Variants in SGIP1 observed in about 807,000 individuals in gnomAD.
SGIP1 encodes the protein SH3GL interacting endocytic adaptor 1, also known as SH3-containing GRB2-like protein 3-interacting protein 1.
A neutral mutation model predicts 107.5 loss-of-function variants in SGIP1; 38 were observed. That is an observed-to-expected ratio of 0.35 (90% confidence interval 0.27 to 0.46). The LOEUF (loss-of-function observed/expected upper bound fraction) is 0.46, where lower values mean the gene tolerates loss of function less well. Among genes scored for constraint, SGIP1 ranks in the 20% least tolerant of loss-of-function variants. The pLI is 1.00. For missense variants in SGIP1, 929 were observed against 1,019.5 expected, an observed-to-expected ratio of 0.91 and a Z score of 1.21; for synonymous variants, 365 against 366.1, an observed-to-expected ratio of 1.00 and a Z score of 0.03.
chr1:66,592,553 C>T (rs777442569), intron 1 of SGIP1, among the ~76,000 whole-genome samples: 2 of 152,174 alleles, frequency 1.3e-5, no homozygotes, highest in Admixed American at 6.5e-5. Flanking sequence ...CTTTTCCCCA[C>T]GGAGTGATAC....
chr1:66,735,459 C>T (rs113921853), intron 21 of SGIP1, among the ~76,000 whole-genome samples: 2,670 of 152,160 alleles, frequency 0.018, 90 homozygotes, highest in African/African-American at 0.061. Flanking sequence ...AGATGATCCC[C>T]GTTCCTTGGC....
At chr1:66,644,965 T>C (rs1571165167) in intron 7 of SGIP1, among the ~76,000 whole-genome samples, 1 of 152,070 alleles carries the variant, frequency 6.6e-6, no homozygotes, top group East Asian at 1.9e-4. Flanking sequence ...CTGTGAGTTC[T>C]AGTAATGGTG....
At chr1:66,715,763 T>G (rs113570386) in intron 18 of SGIP1, among the ~76,000 whole-genome samples, 3,012 of 152,248 alleles carry the variant, frequency 0.02, 96 homozygotes, top group African/African-American at 0.068. Context: ...TTTTCACATA[T>G]TCTTCTACCA....
chr1:66,693,406 G>A (rs905576318), intron 17 of SGIP1, among the ~76,000 whole-genome samples: 3 of 151,924 alleles, frequency 2.0e-5, no homozygotes, highest in African/African-American at 7.3e-5. Context: ...TAAGAAACAA[G>A]CACCTTGACA....
At chr1:66,575,792 A>G (rs1429260476) in intron 1 of SGIP1, among the ~76,000 whole-genome samples, 2 of 152,208 alleles carry the variant, frequency 1.3e-5, no homozygotes, top group African/African-American at 2.4e-5. Context: ...AGTAAATAAA[A>G]TGTGTGGTGT....
At chr1:66,587,721 G>C (rs2062855662) in intron 1 of SGIP1, among the ~76,000 whole-genome samples, 1 of 152,056 alleles carries the variant, frequency 6.6e-6, no homozygotes, top group African/African-American at 2.4e-5. Context: ...CTTTCTGATA[G>C]TGGAACAAAG....
intron 1 of SGIP1, among the ~76,000 whole-genome samples, chr1:66,588,638 C>CTTTT (rs35096597): frequency 1.0e-4 from 10 of 98,660 alleles, no homozygotes; most frequent in Middle Eastern, 6.2e-3. Context: ...CTAGTTAGTT[C>CTTTT]TTTTTTTTTT....
chr1:66,661,754 A>G (rs541151344), intron 8 of SGIP1, among the ~76,000 whole-genome samples: 7 of 152,172 alleles, frequency 4.6e-5, no homozygotes, highest in Middle Eastern at 3.4e-3. Flanking sequence ...GGCCACCTCA[A>G]ATATCCACAG....
chr1:66,631,684 TC>T (rs1193090361), intron 2 of SGIP1, among the ~76,000 whole-genome samples: 5 of 2,346 alleles, frequency 2.1e-3, no homozygotes, highest in Non-Finnish European at 4.5e-3. Context: ...TCTCTCTTTC[TC>T]TCTCTCTCTC....
At chr1:66,548,346 G>T (rs2056799888) in intron 1 of SGIP1, among the ~76,000 whole-genome samples, 1 of 152,016 alleles carries the variant, frequency 6.6e-6, no homozygotes, top group South Asian at 2.1e-4. Context: ...GAGATTGGAA[G>T]GGATGGTGGT....
In SGIP1 at chr1:66,562,363, C is replaced by A. The variant is rs189224574; in HGVS notation, c.10+27995C>A. ...ATGAGGGTTTCAGGGAGATAAAATT[C>A]TTCTCTGCAAAGGGGGGAAATTCTC... On this transcript the variant is annotated intron_variant, in intron 1 of 24. Coordinates refer to ENST00000371037, the MANE Select transcript of SGIP1 (RefSeq NM_032291.4). Among the ~76,000 whole-genome samples, 4 of 152,094 alleles carry A rather than the reference C, an allele frequency of 2.6e-5. No homozygotes were observed. In the East Asian group the frequency reaches 7.8e-4, roughly 29 times the overall value.
At chr1:66,676,182 G>T (rs1450931897) in intron 12 of SGIP1, among the ~76,000 whole-genome samples, 1 of 152,178 alleles carries the variant, frequency 6.6e-6, no homozygotes, top group Admixed American at 6.5e-5. Flanking sequence ...GCGCAGAGAG[G>T]TTAAGCAACC....
At chr1:66,671,208 T>A (rs1383023981) in intron 10 of SGIP1, among the ~76,000 whole-genome samples, 189 bp downstream of exon 10, 3 of 152,206 alleles carry the variant, frequency 2.0e-5, no homozygotes, top group Non-Finnish European at 4.4e-5. Context: ...GAGTGATTAA[T>A]GTTTAAGTTC....
At chr1:66,686,541 A>G (rs1210959654) in intron 15 of SGIP1, among the ~76,000 whole-genome samples, 3 of 152,208 alleles carry the variant, frequency 2.0e-5, no homozygotes, top group Non-Finnish European at 4.4e-5. Flanking sequence ...AATGATAGCC[A>G]TCTACACTCT....
At chr1:66,650,215 TC>T (rs2149566218) in intron 7 of SGIP1, among the ~76,000 whole-genome samples, 1 of 152,234 alleles carries the variant, frequency 6.6e-6, no homozygotes, top group South Asian at 2.1e-4. Context: ...TGAAGACAAT[TC>T]CAGAAGGAAG....
chr1:66,567,796 C>T (rs918416839), intron 1 of SGIP1, among the ~76,000 whole-genome samples: 4 of 152,046 alleles, frequency 2.6e-5, no homozygotes, highest in East Asian at 1.9e-4. Context: ...TCACATTTGT[C>T]GAAGATCAGA....
At chr1:66,554,341 G>T (rs1177081040) in intron 1 of SGIP1, among the ~76,000 whole-genome samples, 1 of 152,084 alleles carries the variant, frequency 6.6e-6, no homozygotes, top group Non-Finnish European at 1.5e-5. Flanking sequence ...TTTCTCCAAG[G>T]TTCAGACAGA....
At chr1:66,706,382 T>G (rs1421195765) in intron 18 of SGIP1, among the ~76,000 whole-genome samples, 1 of 146,470 alleles carries the variant, frequency 6.8e-6, no homozygotes, top group Non-Finnish European at 1.5e-5. Flanking sequence ...TATTTATATA[T>G]TTATAATATA....
In SGIP1 at chr1:66,747,559, C is replaced by A. The variant is rs2094569835; in HGVS notation, c.*4464C>A. ...TTGCAAGCTGTTATTTATTCAAATA[C>A]AAAATCCTAATCAATGTTTCCTTCT... On this transcript the variant is annotated 3_prime_UTR_variant, in exon 25 of 25. Coordinates refer to ENST00000371037, the MANE Select transcript of SGIP1 (RefSeq NM_032291.4). The A allele has an allele frequency of 6.6e-6, 1 of 151,968 alleles. No homozygotes were observed. Among genetic ancestry groups the A allele is most frequent in the South Asian group, 2.1e-4 (1 of 4,836 alleles). The allele number at this position is 151,968 out of a possible 1,614,324, so 9.4% of individuals were successfully genotyped here.
Sources: gnomAD v4.1 joint callset for allele counts (sites outside exome capture counted in the v4.1 genomes callset) on GRCh38, gnomAD v4.1.1 for gene constraint, MANE v1.5 for transcripts, NCBI Gene and HGNC (gene_info 2026-07-23, HGNC 2026-07-21) for gene names.